The following SIL1 variants were observed in gnomAD, a reference collection of about 807,000 sequenced individuals.
SIL1 encodes the protein SIL1 nucleotide exchange factor, also known as nucleotide exchange factor SIL1.
Under a neutral mutation model 49.1 loss-of-function variants are expected in SIL1, and 40 were observed. The ratio of observed to expected loss-of-function variants is 0.81; its 90% CI spans 0.63 to 1.06. SIL1 has a LOEUF of 1.06. Ranked by LOEUF, SIL1 falls within the 50% of genes least tolerant of loss-of-function variation. The pLI, the probability that SIL1 is intolerant of heterozygous loss-of-function variation, is 0.00. For synonymous variants in SIL1, 253 were observed against 250.8 expected (o/e 1.01, Z -0.08); for missense variants, 500 against 572.6 (o/e 0.87, Z 1.29).
Position 138,947,064 on chromosome 5 carries a change from T to C in SIL1, c.*53A>G, listed in dbSNP as rs913785554. 6.9e-6 allele frequency: 10 copies of C among 1,444,992 alleles called. No individual in the cohort carries two copies. The African/African-American group carries it at 1.4e-4, about 20-fold the overall frequency. 89.5% of individuals were successfully genotyped at this position (1,444,992 alleles called of 1,614,324 possible). On this transcript the variant is annotated 3_prime_UTR_variant, in exon 10 of 10. Transcript: ENST00000394817. This position sits in a 1 kb window ranked among gnomAD's most constrained non-coding sequence, Gnocchi z 4.1. ...TCCTGCCTGAGAAGCCCACCCACGCTGGCACCCCTCAGCCTCACTAGCGGC... is the reference window on the plus strand; with the variant it reads ...TCCTGCCTGAGAAGCCCACCCACGCCGGCACCCCTCAGCCTCACTAGCGGC...
intron 1 of SIL1, among the ~76,000 whole-genome samples, chr5:139,158,787 G>A (rs563764162): frequency 3.3e-5 from 5 of 152,144 alleles, no homozygotes; most frequent in East Asian, 1.9e-4. Context: ...TTATGTATCC[G>A]CAGGTTCTAA....
intron 1 of SIL1, among the ~76,000 whole-genome samples, chr5:139,136,531 C>G (rs1371841894): frequency 6.6e-6 from 1 of 152,114 alleles, no homozygotes. Context: ...GCAAGGAAAC[C>G]AGAGGAGCAG....
rs1049607527 is a variant in SIL1, at chr5:138,948,514, G to GAGGCTCTGC, written c.1030-1050_1030-1042dup. On this transcript the variant is annotated intron_variant, in intron 9 of 9. Transcript: ENST00000394817. The surrounding 1 kb of genome is among the most constrained non-coding windows in gnomAD (Gnocchi z 4.8). ...AAATCAATCCCTTCCCTGGGACTGC[G>GAGGCTCTGC]AGGCTCTGCAGGCTCTGCCCCCACT... Among the ~76,000 whole-genome samples the GAGGCTCTGC allele has an allele frequency of 2.0e-5, 3 of 152,102 alleles. No homozygotes were observed. The highest frequency in any genetic ancestry group is 7.2e-5 in the African/African-American group (3 of 41,406).
chr5:139,026,466 G>C (rs1262723342), intron 6 of SIL1, among the ~76,000 whole-genome samples: 1 of 152,126 alleles, frequency 6.6e-6, no homozygotes, highest in Non-Finnish European at 1.5e-5. Context: ...AGCTGGGCGT[G>C]GTGGTGCACA....
intron 1 of SIL1, among the ~76,000 whole-genome samples, chr5:139,144,713 A>C (rs566106666): frequency 6.6e-5 from 10 of 152,274 alleles, no homozygotes; most frequent in Admixed American, 2.6e-4. Context: ...TCTACTAAAA[A>C]TACAAAAATT....
chr5:139,080,679 CTA>C (rs765699933), intron 3 of SIL1, among the ~76,000 whole-genome samples: 18 of 152,186 alleles, frequency 1.2e-4, no homozygotes, highest in Admixed American at 2.6e-4. Flanking sequence ...TGGTTAATCT[CTA>C]TGATAAAAAT....
At chr5:139,189,522 C>G (rs1274410070) in intron 1 of SIL1, among the ~76,000 whole-genome samples, 1 of 152,182 alleles carries the variant, frequency 6.6e-6, no homozygotes, top group African/African-American at 2.4e-5. Context: ...TCATTACATA[C>G]TATAATGTAA....
At chr5:139,197,780 C>A (rs1163795037) in intron 1 of SIL1, among the ~76,000 whole-genome samples, 2 of 152,176 alleles carry the variant, frequency 1.3e-5, no homozygotes, top group Non-Finnish European at 2.9e-5. Flanking sequence ...ATGCACAAAG[C>A]CCCTAGACGA....
At chr5:139,175,308 C>G (rs150979574) in intron 1 of SIL1, among the ~76,000 whole-genome samples, 34 of 152,036 alleles carry the variant, frequency 2.2e-4, no homozygotes, top group African/African-American at 7.7e-4. Flanking sequence ...GCAACAAGAG[C>G]GAAGCTCCAT....
chr5:138,986,756 T>G (rs1160704115), intron 7 of SIL1, among the ~76,000 whole-genome samples: 1 of 152,226 alleles, frequency 6.6e-6, no homozygotes, highest in Admixed American at 6.5e-5. Flanking sequence ...TAAGACTGAT[T>G]TCATCATGGA....
At chr5:139,084,499 T>C (rs569105493) in intron 3 of SIL1, among the ~76,000 whole-genome samples, 64 of 96,246 alleles carry the variant, frequency 6.6e-4, no homozygotes, top group African/African-American at 2.3e-3. Context: ...ATGGATGAAA[T>C]TGGAAACCAT....
At chr5:139,030,409 G>A (rs1768760241) in intron 5 of SIL1, among the ~76,000 whole-genome samples, 3 of 151,990 alleles carry the variant, frequency 2.0e-5, no homozygotes, top group South Asian at 4.2e-4. Context: ...CCTGGGAGGT[G>A]GAGGCTGCAG....
intron 1 of SIL1, among the ~76,000 whole-genome samples, chr5:139,170,758 C>T (rs1366579220): frequency 6.6e-6 from 1 of 151,892 alleles, no homozygotes; most frequent in Non-Finnish European, 1.5e-5. Flanking sequence ...CCGGCAGCCA[C>T]CCCGTCCGGA....
chr5:139,093,076 T>G (rs896114980), intron 3 of SIL1, among the ~76,000 whole-genome samples: 1 of 152,168 alleles, frequency 6.6e-6, no homozygotes, highest in Admixed American at 6.5e-5. Flanking sequence ...CGCGAGGACT[T>G]GCTTGAGCCC....
At chr5:139,042,041 C>G (rs1300094026) in intron 5 of SIL1, among the ~76,000 whole-genome samples, 1 of 152,172 alleles carries the variant, frequency 6.6e-6, no homozygotes, top group Admixed American at 6.5e-5. Flanking sequence ...GGCTGTAATT[C>G]TTCACCTTTT....
intron 3 of SIL1, among the ~76,000 whole-genome samples, chr5:139,085,381 G>C (rs1313799104): frequency 6.6e-6 from 1 of 152,186 alleles, no homozygotes; most frequent in Non-Finnish European, 1.5e-5. Flanking sequence ...AAAATCTTGT[G>C]ACAATAAGAA....
intron 1 of SIL1, among the ~76,000 whole-genome samples, chr5:139,172,549 C>T (rs553407629): frequency 3.3e-5 from 5 of 151,304 alleles, no homozygotes; most frequent in African/African-American, 1.2e-4. Context: ...AGGAGAACTG[C>T]TTGAACCCGG....
At chr5:139,195,745 G>A (rs1373577029) in intron 1 of SIL1, among the ~76,000 whole-genome samples, 7 of 152,160 alleles carry the variant, frequency 4.6e-5, no homozygotes, top group African/African-American at 1.7e-4. Flanking sequence ...ACTTATCCAA[G>A]GTTATGTGGC....
chr5:139,115,302 T>C lies in SIL1; in HGVS notation c.244+5733A>G, dbSNP rs565200794. 9.2e-5 allele frequency among the ~76,000 whole-genome samples: 14 copies of C among 152,340 alleles called. No homozygotes were observed. The East Asian group carries it at 2.3e-3, about 25-fold the overall frequency. On this transcript the variant is annotated intron_variant, in intron 3 of 9. Transcript: ENST00000394817. ...CCTGGCTCATTGTTTCTAAAACTCT[T>C]GGAATTTTTTGAGCCATAAGAGTGT... is the stretch of plus-strand genomic sequence containing the variant.
Sources: allele counts gnomAD v4.1 joint callset (sites outside exome capture counted in the v4.1 genomes callset), GRCh38; gene constraint gnomAD v4.1.1; non-coding constraint Gnocchi (gnomAD v3.1); transcripts MANE v1.5; gene names NCBI Gene and HGNC (gene_info 2026-07-23, HGNC 2026-07-21).